KCNMB2: variants seen among roughly 807,000 people sequenced by gnomAD.
KCNMB2 encodes potassium calcium-activated channel subfamily M regulatory beta subunit 2.
Under a neutral mutation model 24.5 loss-of-function variants are expected in KCNMB2, and 9 were observed. The observed-to-expected ratio is 0.37, with a 90% CI of 0.22 to 0.64. The LOEUF is 0.64. KCNMB2 is among the 30% of genes least tolerant of loss of function. The pLI is 0.63. For missense variants in KCNMB2, 226 were observed against 284.3 expected (o/e 0.79, Z 1.47); for synonymous variants, 109 against 104.4 (o/e 1.04, Z -0.27).
At chr3:178,591,662 T>A (rs542053152) in intron 1 of KCNMB2, among the ~76,000 whole-genome samples, 1 of 152,286 alleles carries the variant, frequency 6.6e-6, no homozygotes, top group East Asian at 1.9e-4. Context: ...GGCATCTGTA[T>A]CAAGGAGTGA....
Position 178,843,133 on chromosome 3 carries a change from T to C in KCNMB2, c.*196T>C. On this transcript the variant is annotated 3_prime_UTR_variant, in exon 5 of 5. Transcript: ENST00000452583. The stretch of plus-strand genomic sequence containing the variant: ...ATTATTCAGGAGAATAAATAACTGT[T>C]TTGTGTTGGTTGGTGGTTTTCATAA... 1 of 661,028 alleles carries C rather than the reference T, an allele frequency of 1.5e-6. No homozygotes were observed. The allele number at this position is 661,028 out of a possible 1,614,324, so 40.9% of individuals were successfully genotyped here.
chr3:178,692,804 A>G (rs1279534270), intron 1 of KCNMB2, among the ~76,000 whole-genome samples: 1 of 152,248 alleles, frequency 6.6e-6, no homozygotes, highest in Non-Finnish European at 1.5e-5. Flanking sequence ...CAGTAGTTTA[A>G]TAAGAATAGC....
chr3:178,663,044 G>A (rs979647640), intron 1 of KCNMB2, among the ~76,000 whole-genome samples: 1 of 152,118 alleles, frequency 6.6e-6, no homozygotes, highest in Non-Finnish European at 1.5e-5. Flanking sequence ...TCTGCTCCAC[G>A]TGGTGTTGGC....
intron 1 of KCNMB2, among the ~76,000 whole-genome samples, chr3:178,750,893 T>C (rs1267813805): frequency 1.3e-5 from 2 of 152,262 alleles, no homozygotes; most frequent in Non-Finnish European, 2.9e-5. Context: ...AATGCTCATG[T>C]TCTTTTAAAT....
At chr3:178,603,166 T>C (rs919757054) in intron 1 of KCNMB2, among the ~76,000 whole-genome samples, 16 of 152,064 alleles carry the variant, frequency 1.1e-4, no homozygotes, top group African/African-American at 3.9e-4. Context: ...GAGGAAGAGA[T>C]GGGACAGAAA....
At chr3:178,573,746 C>CAAAAAAA in intron 1 of KCNMB2, among the ~76,000 whole-genome samples, 1 of 78,986 alleles carries the variant, frequency 1.3e-5, no homozygotes. Context: ...GACCCTGTCT[C>CAAAAAAA]AAAAAAAAAA....
intron 4 of KCNMB2, among the ~76,000 whole-genome samples, chr3:178,836,441 T>A (rs1715233396): frequency 6.6e-6 from 1 of 152,116 alleles, no homozygotes. Flanking sequence ...GTTTTTCAGC[T>A]GGGAAAGGAA....
intron 2 of KCNMB2, among the ~76,000 whole-genome samples, chr3:178,813,594 G>GT (rs1252968422): frequency 1.3e-5 from 2 of 151,900 alleles, no homozygotes; most frequent in Non-Finnish European, 2.9e-5. Context: ...AATCCTTACG[G>GT]TTTTTTCTCA....
intron 1 of KCNMB2, among the ~76,000 whole-genome samples, chr3:178,693,034 G>C (rs148227919): frequency 5.6e-4 from 86 of 152,248 alleles, no homozygotes; most frequent in African/African-American, 2.0e-3. Context: ...CTACATTCCT[G>C]TTTTGGCTCT....
At chr3:178,670,962 G>A (rs1720878398) in intron 1 of KCNMB2, among the ~76,000 whole-genome samples, 2 of 152,100 alleles carry the variant, frequency 1.3e-5, no homozygotes, top group African/African-American at 4.8e-5. Flanking sequence ...GAAGACGTGG[G>A]TACAGCAGAG....
At chr3:178,701,315 T>C (rs1722084803) in intron 1 of KCNMB2, among the ~76,000 whole-genome samples, 1 of 152,184 alleles carries the variant, frequency 6.6e-6, no homozygotes, top group Non-Finnish European at 1.5e-5. Context: ...CATTAGTCTA[T>C]ATCTCTGTTT....
intron 1 of KCNMB2, among the ~76,000 whole-genome samples, chr3:178,603,621 A>T (rs1016225789): frequency 3.9e-5 from 6 of 152,178 alleles, no homozygotes; most frequent in Non-Finnish European, 8.8e-5. Context: ...GAGGACCAAC[A>T]AGAGAGGGTC....
intron 1 of KCNMB2, among the ~76,000 whole-genome samples, chr3:178,777,164 G>A (rs184554677): frequency 2.2e-4 from 33 of 152,192 alleles, no homozygotes; most frequent in Admixed American, 2.0e-3. Flanking sequence ...GGCCAGGCAC[G>A]GTGGCTCACG....
At chr3:178,775,913 T>A (rs1560016771) in intron 1 of KCNMB2, among the ~76,000 whole-genome samples, 1 of 152,184 alleles carries the variant, frequency 6.6e-6, no homozygotes, top group Non-Finnish European at 1.5e-5. Context: ...CTTTCATTTA[T>A]AATTTTCAGA....
At chr3:178,624,244 ATTTTTT>A (rs35333167) in intron 1 of KCNMB2, among the ~76,000 whole-genome samples, 454 of 144,114 alleles carry the variant, frequency 3.2e-3, no homozygotes, top group African/African-American at 5.0e-3. Context: ...TTACTGGGTA[ATTTTTT>A]TTTTTTTTTT....
intron 4 of KCNMB2, among the ~76,000 whole-genome samples, chr3:178,834,779 C>T (rs1208182042): frequency 6.6e-6 from 1 of 152,038 alleles, no homozygotes; most frequent in African/African-American, 2.4e-5. Context: ...GATTCAGAAA[C>T]ACTTTGTGAC....
chr3:178,722,230 G>A (rs1722830251), intron 1 of KCNMB2, among the ~76,000 whole-genome samples: 1 of 152,100 alleles, frequency 6.6e-6, no homozygotes, highest in Non-Finnish European at 1.5e-5. Flanking sequence ...GGTTTAAAAT[G>A]AGGTCCTTTT....
intron 1 of KCNMB2, among the ~76,000 whole-genome samples, chr3:178,770,735 ATAAAG>A (rs1345864006): frequency 1.3e-5 from 2 of 152,248 alleles, no homozygotes; most frequent in East Asian, 1.9e-4. Context: ...TGAAATTTAC[ATAAAG>A]TATTTATTGC....
intron 1 of KCNMB2, among the ~76,000 whole-genome samples, chr3:178,764,764 T>C (rs1338601108): frequency 6.6e-6 from 1 of 152,176 alleles, no homozygotes; most frequent in Non-Finnish European, 1.5e-5. Flanking sequence ...GTTTTTATAT[T>C]TGCATTACCC....
Sources: allele counts gnomAD v4.1 joint callset (sites outside exome capture counted in the v4.1 genomes callset), GRCh38; gene constraint gnomAD v4.1.1; transcripts MANE v1.5; gene names NCBI Gene and HGNC (gene_info 2026-07-23, HGNC 2026-07-21).